CADM2: variants seen among roughly 807,000 people sequenced by gnomAD.
CADM2 encodes immunoglobulin superfamily member 4D.
CADM2 carries 12 observed loss-of-function variants against 49.8 expected under a neutral mutation model. The observed-to-expected ratio is 0.24, with a 90% CI of 0.15 to 0.39. The LOEUF (loss-of-function observed/expected upper bound fraction) is 0.39. CADM2 is among the 10% of genes least tolerant of loss of function. CADM2 has a pLI of 1.00. For synonymous variants in CADM2, 214 were observed against 175.4 expected, an observed-to-expected ratio of 1.22 and a Z score of -1.74; for missense variants, 378 against 492.3, an observed-to-expected ratio of 0.77 and a Z score of 2.20.
intron 1 of CADM2, among the ~76,000 whole-genome samples, chr3:85,329,707 G>A (rs1447005482): frequency 6.6e-6 from 1 of 152,082 alleles, no homozygotes; most frequent in Non-Finnish European, 1.5e-5. Context: ...ATGATATGCT[G>A]AAGTATAATT....
intron 1 of CADM2, among the ~76,000 whole-genome samples, chr3:85,157,692 A>T (rs1204297680): frequency 1.3e-5 from 2 of 152,070 alleles, no homozygotes; most frequent in East Asian, 3.9e-4. Context: ...AATCAATTCA[A>T]GATGGATTAA....
intron 6 of CADM2, among the ~76,000 whole-genome samples, chr3:85,921,780 A>T (rs1173517565): frequency 6.6e-6 from 1 of 151,652 alleles, no homozygotes; most frequent in Admixed American, 6.6e-5. Context: ...CTCTCGTTAC[A>T]TCATCCAATT....
rs200087156 is a variant in CADM2 at position 85,883,367 on chromosome 3, C to T, written c.315C>T (p.Leu105=). 2 of 1,613,864 alleles carry T rather than the reference C, an allele frequency of 1.2e-6. No homozygotes were observed. Among genetic ancestry groups the T allele is most frequent in the Admixed American group, 1.7e-5 (1 of 60,014 alleles). The part of the protein sequence containing the change: ...ELSISVSDVS[L]SDEGQYTCSL... ...GTATTAGTGTCAGTGATGTGTCTCT[C>T]TCTGATGAAGGACAGTACACCTGTT... Residue 105 remains leucine, a synonymous_variant, in exon 4 of 10, where the codon CTC becomes CTT. Transcript: ENST00000383699.
At chr3:84,994,236 A>G (rs1030222326) in intron 1 of CADM2, among the ~76,000 whole-genome samples, 5 of 152,226 alleles carry the variant, frequency 3.3e-5, no homozygotes, top group African/African-American at 1.2e-4. Context: ...GTGCCTGCCA[A>G]GATCGTTATA....
intron 6 of CADM2, among the ~76,000 whole-genome samples, chr3:85,928,032 A>G (rs1178940571): frequency 6.6e-6 from 1 of 152,166 alleles, no homozygotes; most frequent in Admixed American, 6.5e-5. Context: ...TGCTAAGGAT[A>G]TAGAAAATCC....
intron 2 of CADM2, among the ~76,000 whole-genome samples, chr3:85,791,186 C>T (rs1027825692): frequency 2.4e-4 from 37 of 152,114 alleles, no homozygotes; most frequent in South Asian, 1.0e-3. Context: ...CTCTAATTTC[C>T]TATCTCACAT....
intron 2 of CADM2, among the ~76,000 whole-genome samples, chr3:85,751,853 T>C (rs1457195944): frequency 6.6e-6 from 1 of 152,154 alleles, no homozygotes; most frequent in Non-Finnish European, 1.5e-5. Flanking sequence ...CCTTTATAAA[T>C]ATCAGAACTA....
At chr3:85,756,328 T>C (rs1441907459) in intron 2 of CADM2, among the ~76,000 whole-genome samples, 2 of 152,208 alleles carry the variant, frequency 1.3e-5, no homozygotes, top group African/African-American at 2.4e-5. Flanking sequence ...AACTCAAGTT[T>C]ATTCTTAGAT....
At chr3:85,109,637 A>C (rs2038377788) in intron 1 of CADM2, among the ~76,000 whole-genome samples, 2 of 152,128 alleles carry the variant, frequency 1.3e-5, no homozygotes, top group African/African-American at 4.8e-5. Context: ...TAAAGAGAAA[A>C]GGATGGTATC....
At chr3:85,182,603 G>A (rs545546603) in intron 1 of CADM2, among the ~76,000 whole-genome samples, 19 of 152,076 alleles carry the variant, frequency 1.2e-4, no homozygotes, top group Non-Finnish European at 2.6e-4. Context: ...TAGCTTGGAC[G>A]GAGGAATATA....
intron 1 of CADM2, among the ~76,000 whole-genome samples, chr3:85,114,519 G>A (rs2038572870): frequency 1.3e-5 from 2 of 152,196 alleles, no homozygotes; most frequent in Non-Finnish European, 2.9e-5. Flanking sequence ...AACATGCCCA[G>A]ACATGGCTCT....
intron 1 of CADM2, among the ~76,000 whole-genome samples, chr3:85,109,318 G>A (rs1479648948): frequency 6.6e-6 from 1 of 151,750 alleles, no homozygotes; most frequent in African/African-American, 2.4e-5. Flanking sequence ...GAAAATAGAT[G>A]ATAAAGATAG....
intron 2 of CADM2, among the ~76,000 whole-genome samples, chr3:85,763,768 C>G (rs1214966807): frequency 6.6e-6 from 1 of 152,126 alleles, no homozygotes; most frequent in East Asian, 1.9e-4. Context: ...GCTGCATAAT[C>G]TAGTCATTAG....
At chr3:85,147,056 T>A (rs2039766918) in intron 1 of CADM2, among the ~76,000 whole-genome samples, 1 of 151,972 alleles carries the variant, frequency 6.6e-6, no homozygotes, top group South Asian at 2.1e-4. Context: ...GCGGATCACC[T>A]GAGGTCAGGA....
At chr3:85,345,826 T>A (rs2030580506) in intron 1 of CADM2, among the ~76,000 whole-genome samples, 1 of 152,226 alleles carries the variant, frequency 6.6e-6, no homozygotes, top group Non-Finnish European at 1.5e-5. Flanking sequence ...AATTTGGTCA[T>A]ATACAAGATC....
chr3:85,706,868 A>G (rs1296396950), intron 1 of CADM2, among the ~76,000 whole-genome samples: 1 of 152,184 alleles, frequency 6.6e-6, no homozygotes, highest in Non-Finnish European at 1.5e-5. Context: ...TAATTGTCCT[A>G]TCCAATATAT....
chr3:85,778,735 A>G (rs1162325143), intron 2 of CADM2, among the ~76,000 whole-genome samples: 2 of 152,156 alleles, frequency 1.3e-5, no homozygotes, highest in Non-Finnish European at 2.9e-5. Context: ...TTTTATGTAT[A>G]TGAGGTCACA....
chr3:85,840,362 T>G (rs1053784650), intron 3 of CADM2, among the ~76,000 whole-genome samples: 2 of 151,912 alleles, frequency 1.3e-5, no homozygotes, highest in Non-Finnish European at 2.9e-5. Flanking sequence ...TACAATGTGG[T>G]GTTCACCAAA....
intron 3 of CADM2, among the ~76,000 whole-genome samples, chr3:85,816,071 T>C (rs2073182597): frequency 6.6e-6 from 1 of 152,130 alleles, no homozygotes; most frequent in Non-Finnish European, 1.5e-5. Flanking sequence ...CAACAAAATA[T>C]ATTTTTGATA....
Sources: allele counts gnomAD v4.1 joint callset (sites outside exome capture counted in the v4.1 genomes callset), GRCh38; gene constraint gnomAD v4.1.1; transcripts MANE v1.5; gene names NCBI Gene and HGNC (gene_info 2026-07-23, HGNC 2026-07-21).